The following TTC29 variants were observed in gnomAD, a reference collection of about 807,000 sequenced individuals.
The protein encoded by TTC29 is tetratricopeptide repeat protein 29.
In TTC29, 49 loss-of-function variants were observed where a neutral mutation model predicts 58.1. The ratio of observed to expected loss-of-function variants is 0.84; its 90% CI spans 0.67 to 1.07. The LOEUF (loss-of-function observed/expected upper bound fraction) is 1.07, where lower values mean the gene tolerates loss of function less well. Among genes scored for constraint, TTC29 ranks in the 50% least tolerant of loss-of-function variants. The pLI is 0.00. For missense variants in TTC29, 582 were observed against 555.6 expected, an observed-to-expected ratio of 1.05 and a Z score of -0.48; for synonymous variants, 209 against 196.8, an observed-to-expected ratio of 1.06 and a Z score of -0.52.
intron 8 of TTC29, among the ~76,000 whole-genome samples, chr4:146,842,267 A>G (rs1728898330): frequency 6.6e-6 from 1 of 152,060 alleles, no homozygotes; most frequent in Admixed American, 6.6e-5. Flanking sequence ...CCATTCAATC[A>G]CTGGAGAGTT....
chr4:146,909,044 C>T lies in TTC29; in HGVS notation c.382G>A (p.Glu128Lys). The change falls in exon 5 of 13, where the codon GAG becomes AAG. Residue 128 changes from glutamate to lysine, a missense_variant. Physicochemically the swap from Glu to Lys is moderately conservative, Grantham distance 56. Coordinates refer to ENST00000325106, the MANE Select transcript of TTC29 (RefSeq NM_031956.4). ...DYLYHYLTRA[E>K]DAERKESFED... The stretch of plus-strand genomic sequence containing the variant: ...CACTTACCTTTCCTCTCAGCGTCCT[C>T]AGCCCTGGTCAGGTAATGGTACAGG... The T allele has an allele frequency of 6.2e-7, 1 of 1,613,866 alleles. No individual in the cohort carries two copies. Among genetic ancestry groups the T allele is most frequent in the Non-Finnish European group, 8.5e-7 (1 of 1,179,812 alleles).
chr4:146,883,640 T>G (rs1177969267), intron 6 of TTC29, among the ~76,000 whole-genome samples: 2 of 152,068 alleles, frequency 1.3e-5, no homozygotes, highest in South Asian at 4.1e-4. Flanking sequence ...AAATACTGCC[T>G]CCTGAACAGT....
intron 4 of TTC29, among the ~76,000 whole-genome samples, chr4:146,910,594 G>A (rs997956205): frequency 1.3e-5 from 2 of 152,036 alleles, no homozygotes; most frequent in African/African-American, 4.8e-5. Context: ...ACAGTGAGAA[G>A]TTTGGACTCC....
chr4:146,833,934 C>A, intron 8 of TTC29, 37 bp from the exon 9 acceptor site: 1 of 1,346,788 alleles, frequency 7.4e-7, no homozygotes, highest in Admixed American at 1.9e-5. Flanking sequence ...ACATATAGCA[C>A]AGCCAGATAC....
chr4:146,805,277 G>GA (rs1406197507), intron 10 of TTC29, among the ~76,000 whole-genome samples: 3 of 152,002 alleles, frequency 2.0e-5, no homozygotes, highest in Non-Finnish European at 4.4e-5. Flanking sequence ...CAAAGATGAG[G>GA]AAAAAACCAC....
At chr4:146,942,669 C>T (rs1317964240) in intron 2 of TTC29, 5 of 1,518,428 alleles carry the variant, frequency 3.3e-6, no homozygotes, top group Non-Finnish European at 3.5e-6. Flanking sequence ...AGTTCTTAAC[C>T]CACACCAGTG....
intron 6 of TTC29, among the ~76,000 whole-genome samples, chr4:146,892,667 T>C (rs1285658039): frequency 6.6e-6 from 1 of 152,160 alleles, no homozygotes; most frequent in Non-Finnish European, 1.5e-5. Flanking sequence ...CAACATAGTG[T>C]TGGAAGTTCT....
chr4:146,922,471 C>A (rs574287385), intron 4 of TTC29, among the ~76,000 whole-genome samples: 182 of 151,676 alleles, frequency 1.2e-3, no homozygotes, highest in African/African-American at 4.3e-3. Context: ...GTAGCACGAA[C>A]GGAAAAAGCT....
chr4:146,788,023 T>C (rs533296492), intron 11 of TTC29, among the ~76,000 whole-genome samples: 3 of 152,270 alleles, frequency 2.0e-5, no homozygotes, highest in Admixed American at 1.3e-4. Context: ...TGTCAGTTTA[T>C]TTTATCTCAA....
At chr4:146,749,603 A>G (rs1015406481) in intron 11 of TTC29, among the ~76,000 whole-genome samples, 1 of 152,174 alleles carries the variant, frequency 6.6e-6, no homozygotes, top group Non-Finnish European at 1.5e-5. Flanking sequence ...AGACAGAGAA[A>G]GGGAAAACAA....
At chr4:146,903,475 G>T in intron 6 of TTC29, 69 bp downstream of exon 6, 1 of 1,388,292 alleles carries the variant, frequency 7.2e-7, no homozygotes, top group Admixed American at 2.4e-5. Context: ...ACCACCACGT[G>T]TTTTTCCATT....
At chr4:146,731,746 A>G (rs1014524680) in intron 11 of TTC29, among the ~76,000 whole-genome samples, 1 of 152,196 alleles carries the variant, frequency 6.6e-6, no homozygotes, top group Admixed American at 6.5e-5. Context: ...TATCAACATA[A>G]AGATGTTACT....
intron 6 of TTC29, among the ~76,000 whole-genome samples, chr4:146,882,045 T>C (rs1270751095): frequency 6.6e-6 from 1 of 152,148 alleles, no homozygotes; most frequent in Non-Finnish European, 1.5e-5. Context: ...GACCAGACAA[T>C]GTAAAGAATC....
Position 146,707,531 on chromosome 4 carries a change from C to G in TTC29, c.1351G>C (p.Val451Leu), listed in dbSNP as rs1031346818. ...TCTGAGTTTTGAGATACAGCTTCCACTGTGGATCCTCTAAACTCTTCTAAA... is the reference window on the plus strand; with the variant it reads ...TCTGAGTTTTGAGATACAGCTTCCAGTGTGGATCCTCTAAACTCTTCTAAA... The part of the protein sequence containing the change: ...PVTEEFRGST[V>L]EAVSQNSERL... Residue 451 changes from valine (V) to leucine (L), a missense_variant, in exon 12 of 13, where the codon GTG (valine) becomes CTG (leucine). By Grantham distance (32) the Val-to-Leu change is conservative (BLOSUM62 1). Transcript: ENST00000325106. 6.2e-7 allele frequency: 1 copy of G among 1,607,522 alleles called. No homozygotes were observed. The highest frequency in any genetic ancestry group is 8.5e-7 in the Non-Finnish European group (1 of 1,177,332).
chr4:146,799,630 T>C (rs1750074193), intron 11 of TTC29, among the ~76,000 whole-genome samples: 1 of 152,206 alleles, frequency 6.6e-6, no homozygotes, highest in Non-Finnish European at 1.5e-5. Flanking sequence ...AAGTACTGAC[T>C]GCCAGCAGTT....
intron 11 of TTC29, among the ~76,000 whole-genome samples, chr4:146,725,694 G>A (rs1743734009): frequency 6.6e-6 from 1 of 151,946 alleles, no homozygotes; most frequent in Non-Finnish European, 1.5e-5. Context: ...TTTCATCAAG[G>A]TGTTTGCCTG....
chr4:146,838,130 A>G (rs1164351671), intron 8 of TTC29, among the ~76,000 whole-genome samples: 2 of 152,050 alleles, frequency 1.3e-5, no homozygotes, highest in Admixed American at 1.3e-4. Context: ...CTATCTTCTT[A>G]CCAAAATGAA....
At chr4:146,773,404 TTTG>T (rs768477486) in intron 11 of TTC29, among the ~76,000 whole-genome samples, 85 of 152,230 alleles carry the variant, frequency 5.6e-4, no homozygotes, top group Admixed American at 1.6e-3. Flanking sequence ...CAATGCCCAG[TTTG>T]TTGAGGGTTT....
chr4:146,803,682 A>G lies in TTC29; in HGVS notation c.1105T>C (p.Tyr369His). ...MLGDIYNEKG[Y>H]YNKASECFQQ... Reference sequence around the variant, plus strand: ...AAGCATTCAGAAGCTTTGTTGTAGTATCCCTAAAAAGGTAAGAGAAATAAT... The same window carrying G: ...AAGCATTCAGAAGCTTTGTTGTAGTGTCCCTAAAAAGGTAAGAGAAATAAT... Residue 369 changes from tyrosine to histidine, a missense_variant, in exon 11 of 13, where the codon TAC (tyrosine) becomes CAC (histidine). Transcript: ENST00000325106. 1 of 1,570,698 alleles carries G rather than the reference A, an allele frequency of 6.4e-7. No individual in the cohort carries two copies. The highest frequency in any genetic ancestry group is 8.7e-7 in the Non-Finnish European group (1 of 1,153,988).
Sources: gnomAD v4.1 joint callset for allele counts (sites outside exome capture counted in the v4.1 genomes callset) on GRCh38, gnomAD v4.1.1 for gene constraint, MANE v1.5 for transcripts, NCBI Gene and HGNC (gene_info 2026-07-23, HGNC 2026-07-21) for gene names.